TATDN1: variants seen among roughly 807,000 people sequenced by gnomAD.
The protein encoded by TATDN1 is deoxyribonuclease TATDN1.
In TATDN1, 40 loss-of-function variants were observed where a neutral mutation model predicts 46.4. The ratio of observed to expected loss-of-function variants is 0.86; its 90% confidence interval spans 0.67 to 1.12. The LOEUF (loss-of-function observed/expected upper bound fraction) is 1.12, where lower values mean the gene tolerates loss of function less well. Among genes scored for constraint, TATDN1 ranks in the 50% most tolerant of loss-of-function variants. The probability of loss-of-function intolerance (pLI) is 0.00; values close to 1 mark genes in which losing one functional copy is unlikely to be tolerated. For missense variants in TATDN1, 326 were observed against 348.4 expected (o/e 0.94, Z 0.51); for synonymous variants, 95 against 105.6 (o/e 0.90, Z 0.62).
chr8:124,533,147 G>A lies in TATDN1; in HGVS notation c.22+5878C>T, dbSNP rs10481076. ...GGCGCCTGTAGTCCCAGCTACTCAG[G>A]AGGCTGAGGCAGGAGAATGGTGTGA... On this transcript the variant is annotated intron_variant, in intron 1 of 11. Coordinates refer to ENST00000276692, the MANE Select transcript of TATDN1 (RefSeq NM_032026.4). Among the ~76,000 whole-genome samples, 170 of 152,126 alleles carry A rather than the reference G, an allele frequency of 1.1e-3. 1 individual carries two copies. Among genetic ancestry groups the A allele is most frequent in the African/African-American group, 3.4e-3 (140 of 41,522 alleles).
At chr8:124,492,662 G>A (rs1053822772) in intron 11 of TATDN1, among the ~76,000 whole-genome samples, 3 of 149,112 alleles carry the variant, frequency 2.0e-5, no homozygotes, top group South Asian at 2.1e-4. Flanking sequence ...GCTGAGGCAG[G>A]AGAATTGCTT....
At chr8:124,532,580 G>A (rs1305687623) in intron 1 of TATDN1, among the ~76,000 whole-genome samples, 2 of 152,206 alleles carry the variant, frequency 1.3e-5, no homozygotes, top group East Asian at 3.8e-4. Flanking sequence ...CACTGCACCT[G>A]GCCTAGTCTT....
chr8:124,495,287 A>C, intron 10 of TATDN1, 185 bp downstream of exon 10: 1 of 588,732 alleles, frequency 1.7e-6, no homozygotes, highest in Non-Finnish European at 2.9e-6. Context: ...AATTGAAAAA[A>C]ATCATTTGCA....
Position 124,495,537 on chromosome 8 carries a change from A to G in TATDN1, c.599T>C (p.Leu200Pro). ...AACTTCCAAATTAGCTTCAGTTTTC[A>G]GTGAGCTTAAAAAAAAGTGTATATT... The part of the protein sequence containing the change: ...DLYIGFNGCS[L>P]KTEANLEVLK... The change falls in exon 10 of 12, where the codon CTG becomes CCG. Residue 200 changes from leucine (L) to proline (P), a missense_variant. Transcript: ENST00000276692. 1.3e-6 allele frequency: 2 copies of G among 1,599,898 alleles called. No homozygotes were observed. The highest frequency in any genetic ancestry group is 1.7e-6 in the Non-Finnish European group (2 of 1,174,556).
intron 1 of TATDN1, among the ~76,000 whole-genome samples, chr8:124,527,534 G>T (rs759963245): frequency 6.6e-6 from 1 of 152,064 alleles, no homozygotes; most frequent in Non-Finnish European, 1.5e-5. Flanking sequence ...AAAAAGTCTG[G>T]TATCGGTTAG....
chr8:124,493,899 A>C lies in TATDN1; in HGVS notation c.725T>G (p.Phe242Cys). 2 of 1,612,552 alleles carry C rather than the reference A, an allele frequency of 1.2e-6. No homozygotes were observed. The change falls in exon 11 of 12, where the codon TTT (phenylalanine) becomes TGT (cysteine). Residue 242 changes from phenylalanine to cysteine, a missense_variant. Transcript: ENST00000276692. ...HAGSKYIRTA[F>C]PTKKKWESGH... ...ACTTTCCCACTTCTTTTTGGTAGGA[A>C]ATGCAGTTCTTATATATTTTGATCC...
At chr8:124,493,526 T>C (rs1017421031) in intron 11 of TATDN1, among the ~76,000 whole-genome samples, 9 of 152,200 alleles carry the variant, frequency 5.9e-5, no homozygotes, top group African/African-American at 2.2e-4. Flanking sequence ...TAAGATCACT[T>C]ATCCTTTTGT....
rs754508767 is a variant in TATDN1, at chr8:124,488,575, A to G, written c.*19T>C. 3 of 1,235,252 alleles carry G rather than the reference A, an allele frequency of 2.4e-6. No homozygotes were observed. The highest frequency in any genetic ancestry group is 3.5e-6 in the Non-Finnish European group (3 of 863,848). The allele number at this position is 1,235,252 out of a possible 1,614,324, so 76.5% of individuals were successfully genotyped here. Reference sequence around the variant, plus strand: ...ATGAAATTTTACATACATGATGGAAAGTGGAAGACATATACCAATTATATT... The same window carrying G: ...ATGAAATTTTACATACATGATGGAAGGTGGAAGACATATACCAATTATATT... On this transcript the variant is annotated 3_prime_UTR_variant, in exon 12 of 12. Transcript: ENST00000276692.
chr8:124,509,429 G>A (rs894555845), intron 6 of TATDN1, among the ~76,000 whole-genome samples: 6 of 152,126 alleles, frequency 3.9e-5, no homozygotes, highest in East Asian at 1.9e-4. Flanking sequence ...TTCTGGTCCC[G>A]GAGTATAATG....
intron 9 of TATDN1, chr8:124,503,782 A>G: frequency 1.8e-6 from 1 of 556,860 alleles, no homozygotes; most frequent in Non-Finnish European, 3.1e-6. Flanking sequence ...AACAGCAGAA[A>G]GATCACAGAG....
chr8:124,538,976 C>G lies in TATDN1; in HGVS notation c.22+49G>C, dbSNP rs751034472. 1.1e-4 allele frequency: 173 copies of G among 1,613,272 alleles called. 2 individuals carry two copies. In the Admixed American group the frequency reaches 2.8e-3, roughly 26 times the overall value. On this transcript the variant is annotated intron_variant, in intron 1 of 11. Transcript: ENST00000276692. ...GGTCCTGTGACCTTGGTGACCGACGCCCGGGACAAGTCAGAAAGACCCAAG... is the reference window on the plus strand; with the variant it reads ...GGTCCTGTGACCTTGGTGACCGACGGCCGGGACAAGTCAGAAAGACCCAAG...
intron 9 of TATDN1, among the ~76,000 whole-genome samples, chr8:124,500,281 A>G (rs1817841937): frequency 6.6e-6 from 1 of 152,274 alleles, no homozygotes; most frequent in South Asian, 2.1e-4. Context: ...AGATTTGAAA[A>G]TAAGAATATA....
chr8:124,498,048 CTA>C lies in TATDN1; in HGVS notation c.594-2508_594-2507del, dbSNP rs141696955. On this transcript the variant is annotated intron_variant, in intron 9 of 11. Transcript: ENST00000276692. ...CATGTCTGTAACATCTCAAATCCCACTATGTTGGGTCGCACTGGGGTTAGTTT... is the reference window on the plus strand; with the variant it reads ...CATGTCTGTAACATCTCAAATCCCACTGTTGGGTCGCACTGGGGTTAGTTT... Among the ~76,000 whole-genome samples, 752 of 152,276 alleles carry C rather than the reference CTA, an allele frequency of 4.9e-3. 4 individuals carry two copies. The highest frequency in any genetic ancestry group is 0.015 in the African/African-American group (640 of 41,556).
chr8:124,503,733 T>C (rs762343964), intron 9 of TATDN1: 1 of 363,558 alleles, frequency 2.8e-6, no homozygotes, highest in Non-Finnish European at 5.5e-6. Flanking sequence ...CTAGCTGTGC[T>C]AGCTGACTGT....
At chr8:124,530,651 T>C (rs1489921007) in intron 1 of TATDN1, among the ~76,000 whole-genome samples, 1 of 152,168 alleles carries the variant, frequency 6.6e-6, no homozygotes, top group Non-Finnish European at 1.5e-5. Context: ...AATGATGTCC[T>C]CAGGAGTGGG....
At chr8:124,505,280 A>G (rs1256353353) in intron 8 of TATDN1, among the ~76,000 whole-genome samples, 1 of 151,592 alleles carries the variant, frequency 6.6e-6, no homozygotes, top group Non-Finnish European at 1.5e-5. Context: ...ACTACTCGGG[A>G]GGCTGAGGCA....
At chr8:124,495,378 G>A in intron 10 of TATDN1, 94 bp downstream of exon 10, 1 of 881,568 alleles carries the variant, frequency 1.1e-6, no homozygotes, top group Non-Finnish European at 1.8e-6. Context: ...TAAAATACTT[G>A]TTCACTTAAA....
intron 1 of TATDN1, among the ~76,000 whole-genome samples, chr8:124,533,808 A>C (rs1326174562): frequency 6.6e-6 from 1 of 151,996 alleles, no homozygotes; most frequent in African/African-American, 2.4e-5. Flanking sequence ...TTTATTTCAC[A>C]GGCACAACCA....
At chr8:124,491,220 T>C (rs1190009293) in intron 11 of TATDN1, 1 of 152,198 alleles carries the variant, frequency 6.6e-6, no homozygotes, top group Non-Finnish European at 1.5e-5. Flanking sequence ...CTTTGGGTAG[T>C]GATAAAATCT....
Sources: gnomAD v4.1 joint callset for allele counts (sites outside exome capture counted in the v4.1 genomes callset) on GRCh38, gnomAD v4.1.1 for gene constraint, MANE v1.5 for transcripts, NCBI Gene and HGNC (gene_info 2026-07-23, HGNC 2026-07-21) for gene names.